Variants in WRN observed in about 807,000 individuals in gnomAD.
WRN encodes bifunctional 3'-5' exonuclease/ATP-dependent helicase WRN.
WRN carries 149 observed loss-of-function variants against 180.7 expected under a neutral mutation model. That is an observed-to-expected ratio of 0.82 (90% CI 0.72 to 0.94). The LOEUF (loss-of-function observed/expected upper bound fraction) is 0.94. Among genes scored for constraint, WRN ranks in the 40% least tolerant of loss-of-function variants. WRN has a pLI of 0.00. For synonymous variants in WRN, 548 were observed against 568.9 expected (o/e 0.96, Z 0.52); for missense variants, 1,661 against 1,700.1 (o/e 0.98, Z 0.40).
In WRN at chr8:31,096,842, C is replaced by T. The variant is rs1177140352; in HGVS notation, c.1973C>T (p.Ala658Val). Reference sequence around the variant, plus strand: ...ATGGGCCTGCTCCAGCAACTTGAGGCTGATATTGGTAAGTGATAAAGAAAG... The same window carrying T: ...ATGGGCCTGCTCCAGCAACTTGAGGTTGATATTGGTAAGTGATAAAGAAAG... Reference protein sequence around the residue: ...GNMGLLQQLEADIGITLIAVD... With the variant: ...GNMGLLQQLEVDIGITLIAVD... Residue 658 changes from alanine (A) to valine (V), a missense_variant, in exon 17 of 35, where the codon GCT (alanine) becomes GTT (valine). Coordinates refer to ENST00000298139, the MANE Select transcript of WRN (RefSeq NM_000553.6). The T allele has an allele frequency of 2.5e-6, 4 of 1,612,776 alleles. No homozygotes were observed. The South Asian group carries it at 4.4e-5, about 18-fold the overall frequency.
At chr8:31,156,212 C>T (rs1227985136) in intron 32 of WRN, among the ~76,000 whole-genome samples, 1 of 152,124 alleles carries the variant, frequency 6.6e-6, no homozygotes, top group Non-Finnish European at 1.5e-5. Flanking sequence ...TAAGTGTATT[C>T]TAATGCTCAG....
At chr8:31,036,096 A>G (rs375686172) in intron 1 of WRN, among the ~76,000 whole-genome samples, 1 of 152,196 alleles carries the variant, frequency 6.6e-6, no homozygotes, top group Non-Finnish European at 1.5e-5. Flanking sequence ...GCTCCCACAT[A>G]TAAGTGAGAA....
chr8:31,164,892 C>T (rs1326427751), intron 33 of WRN, among the ~76,000 whole-genome samples: 10 of 152,014 alleles, frequency 6.6e-5, no homozygotes, highest in African/African-American at 2.4e-4. Flanking sequence ...GTAAGATGCA[C>T]CTGTAAAGCT....
intron 19 of WRN, among the ~76,000 whole-genome samples, chr8:31,115,537 G>A (rs560124852): frequency 6.6e-6 from 1 of 151,918 alleles, no homozygotes; most frequent in South Asian, 2.1e-4. Flanking sequence ...TTATCTTTTG[G>A]CCAATAAGCA....
At chr8:31,140,953 C>T (rs923145118) in intron 24 of WRN, among the ~76,000 whole-genome samples, 6 of 152,076 alleles carry the variant, frequency 3.9e-5, no homozygotes, top group African/African-American at 7.2e-5. Flanking sequence ...GACGGGGTTT[C>T]ACCATGTTAG....
rs1170487850 is a variant in WRN, at chr8:31,141,415, T to A, written c.2968-15T>A. ...AATTAGCATTTTTAGATACTGATTTTATTCCTAATTTCAGAATTCTCAGCG... is the reference window on the plus strand; with the variant it reads ...AATTAGCATTTTTAGATACTGATTTAATTCCTAATTTCAGAATTCTCAGCG... On this transcript the variant is annotated splice_polypyrimidine_tract_variant and intron_variant, in intron 24 of 34. Transcript: ENST00000298139. The A allele has an allele frequency of 3.1e-6, 5 of 1,613,850 alleles. No homozygotes were observed. The African/African-American group carries it at 5.3e-5, about 17-fold the overall frequency.
chr8:31,120,553 A>AAG, intron 21 of WRN, 129 bp downstream of exon 21: 2 of 999,716 alleles, frequency 2.0e-6, no homozygotes, highest in Non-Finnish European at 2.8e-6. Context: ...AAAAAAAAAA[A>AAG]AAAGAAAAAT....
At chr8:31,098,328 T>A (rs1169644742) in intron 17 of WRN, among the ~76,000 whole-genome samples, 1 of 152,178 alleles carries the variant, frequency 6.6e-6, no homozygotes, top group East Asian at 1.9e-4. Flanking sequence ...GTGGTTTGGG[T>A]ACGTTTTTAC....
At chr8:31,037,264 C>T (rs762575769) in intron 1 of WRN, among the ~76,000 whole-genome samples, 2 of 152,200 alleles carry the variant, frequency 1.3e-5, no homozygotes, top group African/African-American at 2.4e-5. Context: ...GTAGGTTTTG[C>T]GCTGCTATGA....
At position 31,120,356 on chromosome 8, in the gene WRN, A is replaced by G. The variant is rs1201260776; in HGVS notation, c.2562A>G (p.Arg854=). ...DMESYYQEIG[R]AGRDGLQSSC... is the part of the protein sequence containing the mutation. ...AATCATATTATCAGGAGATTGGTAG[A>G]GCTGGTCGTGATGGACTTCAAAGTT... Residue 854 remains arginine (R), a synonymous_variant, in exon 21 of 35, where the codon AGA becomes AGG. Transcript: ENST00000298139. 4 of 1,612,874 alleles carry G rather than the reference A, an allele frequency of 2.5e-6. No individual in the cohort carries two copies. Among genetic ancestry groups the G allele is most frequent in the Non-Finnish European group, 3.4e-6 (4 of 1,179,096 alleles).
chr8:31,167,156 A>G lies in WRN; in HGVS notation c.4117A>G (p.Arg1373Gly). 1 of 1,613,374 alleles carries G rather than the reference A, an allele frequency of 6.2e-7. No homozygotes were observed. Among genetic ancestry groups the G allele is most frequent in the South Asian group, 1.1e-5 (1 of 91,050 alleles). The change falls in exon 34 of 35, where the codon AGA becomes GGA. Residue 1373 changes from arginine (R) to glycine (G), a missense_variant. Physicochemically the swap from Arg to Gly is moderately radical, Grantham distance 125 (BLOSUM62 -2). Around this residue, in one of 3 missense-constraint regions of WRN, gnomAD observed 1,141 missense variants for 1,149.4 expected, o/e 0.99. Coordinates refer to ENST00000298139, the MANE Select transcript of WRN (RefSeq NM_000553.6). The part of the protein sequence containing the change: ...LQPSCDVNKR[R>G]CFPGSEEICS... ...ACCTTCATGTGATGTCAACAAAAGG[A>G]GATGTTTTCCCGGTTCTGAAGAGAT...
intron 7 of WRN, among the ~76,000 whole-genome samples, chr8:31,070,457 A>C (rs1393369401): frequency 6.6e-6 from 1 of 152,008 alleles, no homozygotes; most frequent in East Asian, 1.9e-4. Context: ...ACACCAAATG[A>C]TATAGTAGTT....
chr8:31,142,729 T>C, intron 27 of WRN, 28 bp downstream of exon 27: 5 of 1,522,252 alleles, frequency 3.3e-6, no homozygotes, highest in Non-Finnish European at 4.5e-6. Flanking sequence ...TGTTCTGATT[T>C]ATTTCATTCT....
intron 17 of WRN, among the ~76,000 whole-genome samples, chr8:31,098,472 AATT>A (rs1814082211): frequency 6.6e-6 from 1 of 152,172 alleles, no homozygotes; most frequent in African/African-American, 2.4e-5. Context: ...TGGACACTGC[AATT>A]ATTAGAGCAG....
chr8:31,048,478 T>G (rs1563321379), intron 1 of WRN, among the ~76,000 whole-genome samples: 2 of 152,206 alleles, frequency 1.3e-5, no homozygotes, highest in African/African-American at 4.8e-5. Flanking sequence ...AAACTATAGA[T>G]TGTATATATG....
chr8:31,137,996 G>C (rs1802464621), intron 24 of WRN, among the ~76,000 whole-genome samples: 2 of 152,046 alleles, frequency 1.3e-5, no homozygotes, highest in Admixed American at 6.5e-5. Context: ...TCAGCTGCTT[G>C]GGACGCTGAG....
At position 31,174,158 on chromosome 8, in the gene WRN, TA is replaced by T. The variant is rs1804196879; in HGVS notation, c.*1057del. 6.6e-6 allele frequency among the ~76,000 whole-genome samples: 1 copy of T among 152,260 alleles called. No individual in the cohort carries two copies. Among genetic ancestry groups the T allele is most frequent in the African/African-American group, 2.4e-5 (1 of 41,474 alleles). On this transcript the variant is annotated 3_prime_UTR_variant, in exon 35 of 35. Coordinates refer to ENST00000298139, the MANE Select transcript of WRN (RefSeq NM_000553.6). ...TTAGTTAAAATATAAAAGTCTCGTA[TA>T]TTCCCATTTTTCTGCATTGCATTAC...
At chr8:31,097,097 G>C (rs1814019767) in intron 17 of WRN, among the ~76,000 whole-genome samples, 1 of 152,036 alleles carries the variant, frequency 6.6e-6, no homozygotes, top group African/African-American at 2.4e-5. Flanking sequence ...TCTTCTGCTA[G>C]GCTATAAACT....
In WRN at chr8:31,087,693, TTAA is replaced by T. The variant is rs1813586100; in HGVS notation, c.1432-77_1432-75del. 9.8e-6 allele frequency: 14 copies of T among 1,432,912 alleles called. No homozygotes were observed. The South Asian group carries it at 1.6e-4, about 17-fold the overall frequency. The allele number at this position is 1,432,912 out of a possible 1,614,324, so 88.8% of individuals were successfully genotyped here. ...GCTTTCGACAAAATTGTAGGCCCTG[TTAA>T]TAATAGTCCTTTTGTGTTTGGTGAA... On this transcript the variant is annotated intron_variant, in intron 11 of 34. Transcript: ENST00000298139.
Sources: gnomAD v4.1 joint callset for allele counts (sites outside exome capture counted in the v4.1 genomes callset) on GRCh38, gnomAD v4.1.1 for gene constraint, gnomAD v4.1.1 regional missense constraint, MANE v1.5 for transcripts, NCBI Gene and HGNC (gene_info 2026-07-23, HGNC 2026-07-21) for gene names.